The following BMPR1B variants were observed in gnomAD, a reference collection of about 807,000 sequenced individuals.
BMPR1B encodes bone morphogenetic protein receptor type 1B.
In BMPR1B, 12 loss-of-function variants were observed where a neutral mutation model predicts 59.1. The ratio of observed to expected loss-of-function variants is 0.20; its 90% CI spans 0.13 to 0.33. The LOEUF is 0.33. BMPR1B is among the 10% of genes least tolerant of loss of function. The pLI is 1.00. For synonymous variants in BMPR1B, 237 were observed against 207.3 expected (o/e 1.14, Z -1.23); for missense variants, 550 against 610.9 (o/e 0.90, Z 1.05).
At chr4:95,132,845 T>C (rs1733467214) in intron 10 of BMPR1B, among the ~76,000 whole-genome samples, 1 of 152,308 alleles carries the variant, frequency 6.6e-6, no homozygotes, top group African/African-American at 2.4e-5. Flanking sequence ...GAGACACCAC[T>C]GGGCTTGGTC....
chr4:94,857,446 GA>G, intron 1 of BMPR1B, among the ~76,000 whole-genome samples: 2 of 152,170 alleles, frequency 1.3e-5, no homozygotes, highest in East Asian at 3.9e-4. Flanking sequence ...ACAGAATTTG[GA>G]AAAAATCTAG....
chr4:94,911,424 G>A (rs1045539363), intron 2 of BMPR1B, among the ~76,000 whole-genome samples: 2 of 152,052 alleles, frequency 1.3e-5, no homozygotes, highest in Non-Finnish European at 2.9e-5. Flanking sequence ...AAGAAAGCCA[G>A]CGAGATCTTC....
In BMPR1B at chr4:95,156,102, C is replaced by T. The variant is rs562009093; in HGVS notation, c.*1429C>T. The T allele has an allele frequency of 7.2e-5, 11 of 152,254 alleles. No homozygotes were observed. The highest frequency in any genetic ancestry group is 1.2e-4 in the African/African-American group (5 of 41,560). The allele number at this position is 152,254 out of a possible 1,614,324, so 9.4% of individuals were successfully genotyped here. A position where few individuals can be genotyped will look rare whatever the true frequency, so the allele number is the denominator to read the frequency against. ...GTGGCACTTATACAAAATATCTCTT[C>T]ACCTACTTAGTTCTACAGGGTTTTA... On this transcript the variant is annotated 3_prime_UTR_variant, in exon 13 of 13. Coordinates refer to ENST00000515059, the MANE Select transcript of BMPR1B (RefSeq NM_001203.3).
chr4:95,074,465 A>G (rs551184919), intron 3 of BMPR1B, among the ~76,000 whole-genome samples: 1 of 152,158 alleles, frequency 6.6e-6, no homozygotes, highest in South Asian at 2.1e-4. Flanking sequence ...GGAGGGGTGC[A>G]CAGGAATAGT....
intron 3 of BMPR1B, among the ~76,000 whole-genome samples, chr4:95,037,560 T>A (rs1029123012): frequency 7.9e-5 from 12 of 152,154 alleles, no homozygotes; most frequent in Non-Finnish European, 1.5e-4. Context: ...AGTATTCTTT[T>A]AAATGAGTGA....
chr4:94,833,720 T>A (rs917888041), intron 1 of BMPR1B, among the ~76,000 whole-genome samples: 1 of 152,216 alleles, frequency 6.6e-6, no homozygotes, highest in Non-Finnish European at 1.5e-5. Flanking sequence ...GGTTATTTGT[T>A]TTCTTTCCAC....
chr4:95,079,936 A>G (rs1004523972), intron 3 of BMPR1B, among the ~76,000 whole-genome samples: 22 of 152,158 alleles, frequency 1.4e-4, no homozygotes, highest in Admixed American at 1.4e-3. Context: ...GTTTACTCTC[A>G]TATTAATGAT....
intron 2 of BMPR1B, among the ~76,000 whole-genome samples, chr4:94,939,922 T>C (rs1206825196): frequency 6.6e-6 from 1 of 152,232 alleles, no homozygotes; most frequent in Non-Finnish European, 1.5e-5. Flanking sequence ...TTATTTTAGT[T>C]AGTCACTGTG....
rs149911740 is a variant in BMPR1B, at chr4:94,762,385, A to G, written c.-183+4317A>G. On this transcript the variant is annotated intron_variant, in intron 1 of 12. Transcript: ENST00000515059. ...TGATAAGACAGCATGTGACTGGGCT[A>G]TTTTATATGAGGTGGTCAAGGAAGG... Among the ~76,000 whole-genome samples, 254 of 152,272 alleles carry G rather than the reference A, an allele frequency of 1.7e-3. 3 individuals are homozygous for G. The highest frequency in any genetic ancestry group is 4.0e-3 in the African/African-American group (166 of 41,562).
chr4:94,794,029 C>A (rs1327665784), intron 1 of BMPR1B, among the ~76,000 whole-genome samples: 57 of 150,594 alleles, frequency 3.8e-4, no homozygotes, highest in African/African-American at 1.3e-3. Flanking sequence ...TTAATTAGAT[C>A]CCATTTGTCA....
At chr4:94,992,351 C>G (rs1721808135) in intron 2 of BMPR1B, among the ~76,000 whole-genome samples, 2 of 152,212 alleles carry the variant, frequency 1.3e-5, no homozygotes, top group Non-Finnish European at 2.9e-5. Flanking sequence ...GTTTAATCCA[C>G]TACCTTGCCT....
chr4:95,124,562 A>C (rs1732766814), intron 7 of BMPR1B, among the ~76,000 whole-genome samples: 1 of 151,996 alleles, frequency 6.6e-6, no homozygotes, highest in Non-Finnish European at 1.5e-5. Context: ...ATTTCTTTAG[A>C]TATGACCTTA....
intron 1 of BMPR1B, among the ~76,000 whole-genome samples, chr4:94,852,572 C>T (rs1544388): frequency 0.61 from 92,408 of 151,812 alleles, 28,983 homozygotes; most frequent in African/African-American, 0.76. Context: ...ATGTCCTTGC[C>T]CATTCATTAT....
rs373573647 is a variant in BMPR1B, at chr4:94,798,861, G to A, written c.-183+40793G>A. Reference sequence around the variant, plus strand: ...CCTTCCCCGCAGTGTTTTCAAGCAGGTTCATTAGTCTTAGTCTTGAGAATC... The same window carrying A: ...CCTTCCCCGCAGTGTTTTCAAGCAGATTCATTAGTCTTAGTCTTGAGAATC... On this transcript the variant is annotated intron_variant, in intron 1 of 12. Coordinates refer to ENST00000515059, the MANE Select transcript of BMPR1B (RefSeq NM_001203.3). Among the ~76,000 whole-genome samples the A allele has an allele frequency of 1.2e-4, 18 of 151,888 alleles. No individual in the cohort carries two copies. In the South Asian group the frequency reaches 1.9e-3, roughly 16 times the overall value.
chr4:95,048,570 A>G (rs1726210192), intron 3 of BMPR1B, among the ~76,000 whole-genome samples: 2 of 151,934 alleles, frequency 1.3e-5, no homozygotes, highest in Admixed American at 1.3e-4. Flanking sequence ...CATTCTTTTC[A>G]TGTGTTTCTT....
At chr4:94,798,854 C>T (rs1352854294) in intron 1 of BMPR1B, among the ~76,000 whole-genome samples, 1 of 151,890 alleles carries the variant, frequency 6.6e-6, no homozygotes, top group Non-Finnish European at 1.5e-5. Context: ...GCAGTGTTTT[C>T]AAGCAGGTTC....
At chr4:95,077,338 G>A (rs1728786376) in intron 3 of BMPR1B, among the ~76,000 whole-genome samples, 1 of 152,118 alleles carries the variant, frequency 6.6e-6, no homozygotes, top group Admixed American at 6.6e-5. Context: ...ATAGGCCTCA[G>A]TCATTTAGAC....
At position 95,154,664 on chromosome 4, in the gene BMPR1B, T is replaced by G; in HGVS notation, c.1500T>G (p.Ile500Met). Residue 500 changes from isoleucine (I) to methionine (M), a missense_variant, in exon 13 of 13, where the codon ATT becomes ATG. This residue lies in a region of BMPR1B where 123 missense variants were observed against 164.6 expected (regional missense o/e 0.75). Transcript: ENST00000515059. ...TLAKMSESQD[I>M]KL ...CCAAAATGTCAGAGTCCCAGGACAT[T>G]AAACTCTGATAGGAGAGGAAAAGTA... 1.2e-6 allele frequency: 2 copies of G among 1,614,030 alleles called. No homozygotes were observed. The highest frequency in any genetic ancestry group is 2.2e-5 in the South Asian group (2 of 91,086).
At chr4:94,849,639 T>C (rs1288533658) in intron 1 of BMPR1B, among the ~76,000 whole-genome samples, 1 of 151,630 alleles carries the variant, frequency 6.6e-6, no homozygotes, top group African/African-American at 2.4e-5. Context: ...CCAGAGAAGA[T>C]GGGATCTCAT....
Sources: allele counts gnomAD v4.1 joint callset (sites outside exome capture counted in the v4.1 genomes callset), GRCh38; gene constraint gnomAD v4.1.1; regional missense constraint gnomAD v4.1.1; transcripts MANE v1.5; gene names NCBI Gene and HGNC (gene_info 2026-07-23, HGNC 2026-07-21).